The following RSRP1 variants were observed in gnomAD, a reference collection of about 807,000 sequenced individuals.
RSRP1 encodes arginine and serine rich protein 1.
In RSRP1, 37 loss-of-function variants were observed where a neutral mutation model predicts 33.0. The observed-to-expected ratio is 1.12, with a 90% CI of 0.86 to 1.48. The LOEUF is 1.48. Among genes scored for constraint, RSRP1 ranks in the 40% most tolerant of loss-of-function variants. The pLI is 0.00. For missense variants in RSRP1, 402 were observed against 385.3 expected (o/e 1.04, Z -0.36); for synonymous variants, 167 against 158.7 (o/e 1.05, Z -0.40).
In RSRP1 at chr1:25,307,753, G is replaced by A. The variant is rs569782735; in HGVS notation, c.-67+30225C>T. The A allele has an allele frequency of 1.9e-5, 25 of 1,307,022 alleles. 7 individuals are homozygous for A. Among genetic ancestry groups the A allele is most frequent in the African/African-American group, 1.3e-4 (9 of 68,204 alleles). The allele number at this position is 1,307,022 out of a possible 1,614,324, so 81.0% of individuals were successfully genotyped here. A position where few individuals can be genotyped will look rare whatever the true frequency, so the allele number is the denominator to read the frequency against. ...TCATGGAGGCGCTGCGGTTCCTACC[G>A]GTTCTTGGATGCCTTCTACAGAGAC... is the stretch of plus-strand genomic sequence containing the variant. On this transcript the variant is annotated intron_variant, in intron 1 of 1. Coordinates refer to the RSRP1 transcript ENST00000561867.
chr1:25,306,007 A>C lies in RSRP1; in HGVS notation c.-67+31971T>G, dbSNP rs1163386424. Among the ~76,000 whole-genome samples the C allele has an allele frequency of 1.8e-4, 24 of 131,540 alleles. 7 individuals carry two copies. The highest frequency in any genetic ancestry group is 1.5e-3 in the Admixed American group (20 of 13,534). 86.3% of individuals were successfully genotyped at this position (131,540 alleles called of 152,430 possible). ...TGGCTCACGGCTGTGTGGGAGGCTG[A>C]GTGATGGGGAGGAAGGATTACTGAG... On this transcript the variant is annotated intron_variant, in intron 1 of 1. Transcript: ENST00000561867.
At chr1:25,331,734 ATT>A (rs71014355) in intron 1 of RSRP1, among the ~76,000 whole-genome samples, 530 of 43,158 alleles carry the variant, frequency 0.012, 12 homozygotes, top group African/African-American at 0.032. Flanking sequence ...TGCCCAGCTA[ATT>A]TTTTTTTTTT....
Position 25,258,914 on chromosome 1 carries a change from A to T in RSRP1, c.-66-11885T>A, listed in dbSNP as rs531020714. On this transcript the variant is annotated intron_variant, in intron 1 of 1. Coordinates refer to the RSRP1 transcript ENST00000561867. Reference sequence around the variant, plus strand: ...GTTCGCGCAGGCACTGGAGTCAGAGAAAATGGAGTTGAATCCTTTCTCTGC... The same window carrying T: ...GTTCGCGCAGGCACTGGAGTCAGAGTAAATGGAGTTGAATCCTTTCTCTGC... 2.3e-3 allele frequency among the ~76,000 whole-genome samples: 351 copies of T among 152,260 alleles called. 1 individual carries two copies. The highest frequency in any genetic ancestry group is 7.4e-3 in the African/African-American group (307 of 41,530).
chr1:25,264,085 C>T (rs1450126172), intron 1 of RSRP1, among the ~76,000 whole-genome samples: 1 of 152,024 alleles, frequency 6.6e-6, no homozygotes, highest in African/African-American at 2.4e-5. Context: ...GTACAGCCTC[C>T]CTCTCAGCTG....
At chr1:25,250,866 G>A (rs943499101), upstream of RSRP1, among the ~76,000 whole-genome samples, 9 of 152,106 alleles carry the variant, frequency 5.9e-5, no homozygotes, top group Admixed American at 3.9e-4. Context: ...AAAATTAGCC[G>A]GGCGAGGTGG....
intron 1 of RSRP1, among the ~76,000 whole-genome samples, chr1:25,283,959 C>A (rs1641726574): frequency 7.4e-6 from 1 of 134,602 alleles, no homozygotes; most frequent in South Asian, 2.2e-4. Flanking sequence ...GGGTCTGAGA[C>A]CGGGAAAGGT....
At chr1:25,336,693 G>A (rs1645081383) in intron 1 of RSRP1, among the ~76,000 whole-genome samples, 1 of 150,686 alleles carries the variant, frequency 6.6e-6, no homozygotes. Flanking sequence ...TTTGTTTAAA[G>A]CTGCTCAGAG....
upstream of RSRP1, chr1:25,248,448 TG>T (rs1251818878): frequency 6.7e-6 from 1 of 150,080 alleles, no homozygotes; most frequent in Admixed American, 6.7e-5. Context: ...CCCGAAGAGC[TG>T]GAACTACAGG....
At chr1:25,337,892 C>T (rs1313075454) in intron 1 of RSRP1, 18 of 149,866 alleles carry the variant, frequency 1.2e-4, no homozygotes, top group African/African-American at 4.4e-4. Flanking sequence ...AGAGGTGGAG[C>T]TGCGGGGGGC....
intron 1 of RSRP1, among the ~76,000 whole-genome samples, chr1:25,298,970 G>C (rs1643156769): frequency 8.0e-6 from 1 of 125,186 alleles, no homozygotes; most frequent in South Asian, 2.5e-4. Context: ...GGTAACGAGT[G>C]CACAAGCCAT....
Position 25,310,008 on chromosome 1 carries a change from A to G in RSRP1, c.-67+27970T>C, listed in dbSNP as rs182191414. Among the ~76,000 whole-genome samples the G allele has an allele frequency of 2.0e-3, 267 of 132,978 alleles. 53 individuals are homozygous for G. Among genetic ancestry groups the G allele is most frequent in the Middle Eastern group, 0.017 (4 of 240 alleles). The allele number at this position is 132,978 out of a possible 152,430, so 87.2% of individuals were successfully genotyped here. A position where few individuals can be genotyped will look rare whatever the true frequency, so the allele number is the denominator to read the frequency against. On this transcript the variant is annotated intron_variant, in intron 1 of 1. Transcript: ENST00000561867. The stretch of plus-strand genomic sequence containing the variant: ...AAACCCCAAAAAACCCAACTTATAT[A>G]GTATAAGCTATATCCAGAAAAGTGC...
Position 25,320,453 on chromosome 1 carries a change from C to T in RSRP1, c.-67+17525G>A, listed in dbSNP as rs568973255. ...GCTATCTGGAAAATTCATGCAGGCG[C>T]CAGAGATCGTTACTGAGTAATTCAA... On this transcript the variant is annotated intron_variant, in intron 1 of 1. Coordinates refer to the RSRP1 transcript ENST00000561867. Among the ~76,000 whole-genome samples the T allele has an allele frequency of 3.3e-4, 44 of 132,008 alleles. 3 individuals are homozygous for T. In the East Asian group the frequency reaches 7.2e-3, roughly 22 times the overall value. The allele number at this position is 132,008 out of a possible 152,430, so 86.6% of individuals were successfully genotyped here.
chr1:25,307,496 T>C lies in RSRP1; in HGVS notation c.-67+30482A>G, dbSNP rs368327668. ...GCATGATGATAATCATATTCACTGA[T>C]AACATTTACTACTGTTATTGACTGC... On this transcript the variant is annotated intron_variant, in intron 1 of 1. Coordinates refer to the RSRP1 transcript ENST00000561867. The C allele has an allele frequency of 6.1e-6, 3 of 492,384 alleles. 1 individual carries two copies. The South Asian group carries it at 6.5e-5, about 11-fold the overall frequency. The allele number at this position is 492,384 out of a possible 1,614,324, so 30.5% of individuals were successfully genotyped here.
intron 1 of RSRP1, among the ~76,000 whole-genome samples, chr1:25,288,223 G>A (rs549858242): frequency 0.021 from 2,777 of 131,652 alleles, 429 homozygotes; most frequent in African/African-American, 0.066. Flanking sequence ...TCACTGTGTT[G>A]CTCAGGCTGG....
rs1318454093 is a variant in RSRP1 at position 25,307,046 on chromosome 1, G to A, written c.-67+30932C>T. ...CAATTGAGACTGTGGTTCAGGTCGT[G>A]ATGCAGAGCTTTGCTGTGGACGTGC... On this transcript the variant is annotated intron_variant, in intron 1 of 1. Transcript: ENST00000561867. 2 of 341,162 alleles carry A rather than the reference G, an allele frequency of 5.9e-6. 1 individual carries two copies. 21.1% of individuals were successfully genotyped at this position (341,162 alleles called of 1,614,324 possible). A position where few individuals can be genotyped will look rare whatever the true frequency, so the allele number is the denominator to read the frequency against.
At chr1:25,313,152 C>A (rs1449749909) in intron 1 of RSRP1, among the ~76,000 whole-genome samples, 1 of 126,358 alleles carries the variant, frequency 7.9e-6, no homozygotes, top group African/African-American at 2.7e-5. Context: ...GGGTGGGGCC[C>A]CTATGATGAG....
chr1:25,244,555 G>A (rs190581526), intron 3 of RSRP1: 3 of 1,288,398 alleles, frequency 2.3e-6, no homozygotes, highest in East Asian at 1.1e-4. Flanking sequence ...TACAGAATTT[G>A]TGGGAACATA....
At chr1:25,250,477 G>T (rs1314307825), upstream of RSRP1, among the ~76,000 whole-genome samples, 2 of 152,156 alleles carry the variant, frequency 1.3e-5, no homozygotes, top group Non-Finnish European at 2.9e-5. Context: ...ATTTAAGTTG[G>T]TTTTTTGTTT....
chr1:25,332,428 A>G lies in RSRP1; in HGVS notation c.-67+5550T>C, dbSNP rs1265271275. ...TTGAGCACTCAAGCGTATTCTAGAA[A>G]CTGTTCCTGATTCTGGGGATATATC... On this transcript the variant is annotated intron_variant, in intron 1 of 1. Transcript: ENST00000561867. 4.5e-5 allele frequency among the ~76,000 whole-genome samples: 6 copies of G among 132,092 alleles called. 1 individual carries two copies. The highest frequency in any genetic ancestry group is 1.6e-4 in the African/African-American group (6 of 38,702). 86.7% of individuals were successfully genotyped at this position (132,092 alleles called of 152,430 possible). A position where few individuals can be genotyped will look rare whatever the true frequency, so the allele number is the denominator to read the frequency against.
Sources: gnomAD v4.1 joint callset for allele counts (sites outside exome capture counted in the v4.1 genomes callset) on GRCh38, gnomAD v4.1.1 for gene constraint, MANE v1.5 for transcripts, NCBI Gene and HGNC (gene_info 2026-07-23, HGNC 2026-07-21) for gene names.